EFCAB13: variants seen among roughly 807,000 people sequenced by gnomAD.
The protein encoded by EFCAB13 is EF-hand calcium-binding domain-containing protein 13.
EFCAB13 carries 91 observed loss-of-function variants against 110.2 expected under a neutral mutation model. That is an observed-to-expected ratio of 0.83 (90% CI 0.70 to 0.98). The LOEUF is 0.98. Ranked by LOEUF, EFCAB13 falls within the 50% of genes least tolerant of loss-of-function variation. EFCAB13 has a pLI of 0.00. For missense variants in EFCAB13, 968 were observed against 1,119.4 expected (o/e 0.86, Z 1.93); for synonymous variants, 323 against 369.9 (o/e 0.87, Z 1.45).
chr17:47,401,607 CATTG>C (rs951990043), intron 17 of EFCAB13, among the ~76,000 whole-genome samples: 1 of 147,372 alleles, frequency 6.8e-6, no homozygotes, highest in Non-Finnish European at 1.5e-5. Flanking sequence ...ATATTGTTTC[CATTG>C]ATTGATTGAA....
In EFCAB13 at chr17:47,359,815, CCTTCCTGTGT is replaced by C. The variant is rs1330596640; in HGVS notation, c.662-1561_662-1552del. ...AACAGTCCCCAGAGTGTGATGTTCCCCTTCCTGTGTCCATGTGTTCTCATTGTTCAATTCC... is the reference window on the plus strand; with the variant it reads ...AACAGTCCCCAGAGTGTGATGTTCCCCCATGTGTTCTCATTGTTCAATTCC... On this transcript the variant is annotated intron_variant, in intron 9 of 24. Transcript: ENST00000331493. 7.9e-4 allele frequency among the ~76,000 whole-genome samples: 104 copies of C among 131,354 alleles called. No homozygotes were observed. The Middle Eastern group carries it at 0.027, about 35-fold the overall frequency. 86.2% of individuals were successfully genotyped at this position (131,354 alleles called of 152,430 possible).
intron 6 of EFCAB13, among the ~76,000 whole-genome samples, chr17:47,343,661 T>A (rs1285846128): frequency 6.6e-6 from 1 of 152,194 alleles, no homozygotes; most frequent in African/African-American, 2.4e-5. Context: ...AAAGTGCTAC[T>A]TTCCTATCCA....
intron 4 of EFCAB13, among the ~76,000 whole-genome samples, chr17:47,333,811 GC>G (rs1478987632): frequency 6.6e-6 from 1 of 152,114 alleles, no homozygotes; most frequent in Non-Finnish European, 1.5e-5. Flanking sequence ...GATTGGTTAT[GC>G]CAGTAACATT....
Position 47,370,438 on chromosome 17 carries a change from T to TA in EFCAB13, c.809dup (p.Asn270LysfsTer15), listed in dbSNP as rs1302794534. ...GTATTTGAACTTATTCTATTACAGG[T>TA]AACCACATGGTGGATATTGGGGATA... On this transcript the variant is annotated frameshift_variant and splice_region_variant, in exon 11 of 25. Transcript: ENST00000331493. LOFTEE classifies it high-confidence loss of function. 6.3e-6 allele frequency: 10 copies of TA among 1,582,166 alleles called. No homozygotes were observed. The highest frequency in any genetic ancestry group is 8.7e-6 in the Non-Finnish European group (10 of 1,151,574).
intron 8 of EFCAB13, among the ~76,000 whole-genome samples, chr17:47,345,973 T>C (rs1188143056): frequency 6.6e-6 from 1 of 152,172 alleles, no homozygotes; most frequent in African/African-American, 2.4e-5. Flanking sequence ...TTAATTAAAA[T>C]AAAATTAAAA....
chr17:47,410,611 ATTC>A (rs2065829432), intron 21 of EFCAB13, among the ~76,000 whole-genome samples: 1 of 152,336 alleles, frequency 6.6e-6, no homozygotes, highest in Admixed American at 6.5e-5. Context: ...TCAAGGTACA[ATTC>A]TTCTTGAGGC....
At chr17:47,423,651 G>C in intron 23 of EFCAB13, 1 of 393,780 alleles carries the variant, frequency 2.5e-6, no homozygotes, top group South Asian at 1.3e-4. Context: ...GTTCCAGGTA[G>C]GTGCGGGCGG....
chr17:47,376,385 C>T (rs1210316585), intron 12 of EFCAB13, among the ~76,000 whole-genome samples: 2 of 152,074 alleles, frequency 1.3e-5, no homozygotes, highest in Non-Finnish European at 2.9e-5. Flanking sequence ...GTAGAAGAGG[C>T]TGTCAGAAGA....
chr17:47,383,282 T>C (rs2065657070), intron 14 of EFCAB13, among the ~76,000 whole-genome samples: 2 of 152,132 alleles, frequency 1.3e-5, no homozygotes, highest in African/African-American at 4.8e-5. Context: ...TATCTCTTTC[T>C]GTTTTTCTCT....
intron 6 of EFCAB13, 55 bp downstream of exon 6, chr17:47,342,087 C>T (rs1402047409): frequency 1.0e-6 from 1 of 997,436 alleles, no homozygotes; most frequent in Non-Finnish European, 1.5e-6. Flanking sequence ...CCTTAGCCCT[C>T]AAACATTCCC....
At chr17:47,329,714 T>C (rs2065308826) in intron 4 of EFCAB13, 1 of 152,166 alleles carries the variant, frequency 6.6e-6, no homozygotes, top group South Asian at 2.1e-4. Context: ...GTCAAAAGCT[T>C]CTACTCTTTG....
intron 10 of EFCAB13, among the ~76,000 whole-genome samples, chr17:47,368,229 CA>C: frequency 6.6e-6 from 1 of 152,254 alleles, no homozygotes; most frequent in African/African-American, 2.4e-5. Context: ...AAGAGAAGAA[CA>C]AAGTTTCTAT....
intron 23 of EFCAB13, among the ~76,000 whole-genome samples, chr17:47,428,621 A>G (rs1270544580): frequency 2.6e-5 from 4 of 152,142 alleles, no homozygotes; most frequent in African/African-American, 9.6e-5. Context: ...GTACCACTGC[A>G]ATGGAGCAAG....
At chr17:47,358,285 C>A (rs1046821669) in intron 9 of EFCAB13, among the ~76,000 whole-genome samples, 9 of 151,902 alleles carry the variant, frequency 5.9e-5, no homozygotes, top group Non-Finnish European at 1.0e-4. Context: ...GTAAAAAGAT[C>A]AAGCATACAG....
intron 10 of EFCAB13, among the ~76,000 whole-genome samples, chr17:47,366,235 T>C (rs1283590212): frequency 6.6e-6 from 1 of 151,996 alleles, no homozygotes; most frequent in East Asian, 1.9e-4. Context: ...TGGCAAGAAG[T>C]GCCATATGGA....
chr17:47,405,827 T>G (rs1002513596), intron 20 of EFCAB13, among the ~76,000 whole-genome samples: 2 of 151,816 alleles, frequency 1.3e-5, no homozygotes, highest in African/African-American at 4.8e-5. Flanking sequence ...AATTTCTGAT[T>G]TTACCTTTAG....
intron 14 of EFCAB13, among the ~76,000 whole-genome samples, chr17:47,382,816 G>T (rs934990344): frequency 6.6e-6 from 1 of 152,092 alleles, no homozygotes. Flanking sequence ...TTAGAGCGGA[G>T]TCCCCCCTTT....
chr17:47,420,010 C>T (rs190476474), intron 23 of EFCAB13, among the ~76,000 whole-genome samples: 3,441 of 152,216 alleles, frequency 0.023, 113 homozygotes, highest in East Asian at 0.18. Context: ...GGAAGCTGGA[C>T]TGTACTGCTG....
chr17:47,399,763 A>G (rs2065769105), intron 17 of EFCAB13, among the ~76,000 whole-genome samples: 1 of 152,062 alleles, frequency 6.6e-6, no homozygotes, highest in African/African-American at 2.4e-5. Flanking sequence ...TTTAAAATTA[A>G]AAAATAATTT....
Sources: allele counts gnomAD v4.1 joint callset (sites outside exome capture counted in the v4.1 genomes callset), GRCh38; gene constraint gnomAD v4.1.1; transcripts MANE v1.5; gene names NCBI Gene and HGNC (gene_info 2026-07-23, HGNC 2026-07-21).